The following NEO1 variants were observed in gnomAD, a reference collection of about 807,000 sequenced individuals.
NEO1 encodes the protein neogenin.
Under a neutral mutation model 159.7 loss-of-function variants are expected in NEO1, and 63 were observed. The ratio of observed to expected loss-of-function variants is 0.39; its 90% CI spans 0.32 to 0.49. NEO1 has a LOEUF of 0.49. Among genes scored for constraint, NEO1 ranks in the 20% least tolerant of loss-of-function variants. NEO1 has a pLI of 0.85. For synonymous variants in NEO1, 633 were observed against 662.0 expected, an observed-to-expected ratio of 0.96 and a Z score of 0.67; for missense variants, 1,615 against 1,831.0, an observed-to-expected ratio of 0.88 and a Z score of 2.15.
intron 23 of NEO1, among the ~76,000 whole-genome samples, chr15:73,287,878 C>CA (rs35855032): frequency 0.013 from 1,867 of 143,528 alleles, 24 homozygotes; most frequent in South Asian, 0.028. Flanking sequence ...AACTCCATCT[C>CA]AAAAAAAAAA....
intron 7 of NEO1, among the ~76,000 whole-genome samples, chr15:73,201,158 T>C (rs2036859435): frequency 6.6e-6 from 1 of 151,902 alleles, no homozygotes; most frequent in East Asian, 1.9e-4. Context: ...TCTATTTTTC[T>C]GTTTTCAATT....
intron 1 of NEO1, among the ~76,000 whole-genome samples, chr15:73,062,898 A>G (rs1245622446): frequency 6.6e-6 from 1 of 152,216 alleles, no homozygotes; most frequent in Non-Finnish European, 1.5e-5. Context: ...ACGTAGGCTC[A>G]CAGGTTATCT....
At chr15:73,296,137 C>G (rs987405451) in intron 26 of NEO1, among the ~76,000 whole-genome samples, 1 of 152,184 alleles carries the variant, frequency 6.6e-6, no homozygotes, top group African/African-American at 2.4e-5. Context: ...TGCGCCATCT[C>G]TTTGGCCCTC....
intron 1 of NEO1, among the ~76,000 whole-genome samples, chr15:73,102,064 A>G (rs1441960666): frequency 6.6e-6 from 1 of 152,160 alleles, no homozygotes; most frequent in African/African-American, 2.4e-5. Context: ...TCCTAGAACT[A>G]CTGAATCAGA....
chr15:73,213,954 T>C (rs559259096), intron 7 of NEO1, among the ~76,000 whole-genome samples: 1 of 152,356 alleles, frequency 6.6e-6, no homozygotes, highest in African/African-American at 2.4e-5. Flanking sequence ...TTTTTGATTA[T>C]GGCCATTCTT....
intron 22 of NEO1, 56 bp downstream of exon 22, chr15:73,278,255 T>A: frequency 6.6e-7 from 1 of 1,514,164 alleles, no homozygotes; most frequent in Non-Finnish European, 9.1e-7. Flanking sequence ...CACTTTTGCT[T>A]AAATTTTTGA....
At position 73,253,469 on chromosome 15, in the gene NEO1, CT is replaced by C. The variant is rs372967044; in HGVS notation, c.1944+21del. 0.011 allele frequency: 17,319 copies of C among 1,576,806 alleles called. 127 individuals carry two copies. Among genetic ancestry groups the C allele is most frequent in the Non-Finnish European group, 0.013 (14,613 of 1,158,544 alleles). ...TCAAAGGTAAAACTGTATGATGCTGCTGTTCATTTTTACTGGTATACTGTTG... is the reference window on the plus strand; with the variant it reads ...TCAAAGGTAAAACTGTATGATGCTGCGTTCATTTTTACTGGTATACTGTTG... On this transcript the variant is annotated intron_variant, in intron 12 of 28. Coordinates refer to ENST00000261908, the MANE Select transcript of NEO1 (RefSeq NM_002499.4).
At chr15:73,224,558 T>C (rs2038467247) in intron 7 of NEO1, among the ~76,000 whole-genome samples, 2 of 148,266 alleles carry the variant, frequency 1.3e-5, no homozygotes, top group South Asian at 4.4e-4. Context: ...GAAGACCTTG[T>C]CTTTGAGCTC....
At position 73,283,073 on chromosome 15, in the gene NEO1, T is replaced by C. The variant is rs746034290; in HGVS notation, c.3372T>C (p.Ala1124=). Residue 1124 remains alanine, a synonymous_variant, in exon 23 of 29, where the codon GCT becomes GCC. Coordinates refer to ENST00000261908, the MANE Select transcript of NEO1 (RefSeq NM_002499.4). ...CCATCGTGGTGGTTGTGATTATCGC[T>C]GTCTTTTGTACCCGTCGTACCACCT... ...VITIVVVVII[A]VFCTRRTTSH... The C allele has an allele frequency of 1.9e-6, 3 of 1,614,234 alleles. No homozygotes were observed. Among genetic ancestry groups the C allele is most frequent in the Admixed American group, 3.3e-5 (2 of 60,026 alleles).
intron 7 of NEO1, among the ~76,000 whole-genome samples, chr15:73,201,545 A>T (rs1388413486): frequency 6.6e-5 from 10 of 152,140 alleles, no homozygotes; most frequent in Admixed American, 6.5e-4. Context: ...TCATTGTTGG[A>T]TGGAATATGC....
intron 28 of NEO1, 162 bp downstream of exon 28, chr15:73,301,619 T>TA: frequency 2.1e-6 from 2 of 955,780 alleles, no homozygotes; most frequent in South Asian, 3.3e-5. Context: ...GAGCATCTCT[T>TA]CTGAGCCGGG....
chr15:73,186,676 T>C (rs1287987117), intron 7 of NEO1, among the ~76,000 whole-genome samples: 1 of 152,068 alleles, frequency 6.6e-6, no homozygotes. Flanking sequence ...TAAATAGTCA[T>C]ATCAGTATAT....
At chr15:73,242,047 C>T (rs1453447718) in intron 8 of NEO1, among the ~76,000 whole-genome samples, 2 of 152,172 alleles carry the variant, frequency 1.3e-5, no homozygotes, top group African/African-American at 4.8e-5. Context: ...CTACGTGCTT[C>T]TGTCGTACAC....
At chr15:73,181,638 C>T (rs1025891284) in intron 7 of NEO1, among the ~76,000 whole-genome samples, 3 of 151,842 alleles carry the variant, frequency 2.0e-5, no homozygotes, top group African/African-American at 4.8e-5. Context: ...GGGGGGGTGC[C>T]ACACACTTTT....
At chr15:73,301,487 G>C (rs2042611819) in intron 28 of NEO1, 30 bp downstream of exon 28, 2 of 1,613,836 alleles carry the variant, frequency 1.2e-6, no homozygotes, top group Non-Finnish European at 8.5e-7. Flanking sequence ...AGTCCAGCCA[G>C]ATTGCCTGGG....
rs548786278 is a variant in NEO1, at chr15:73,131,392, C to T, written c.879-4499C>T. Among the ~76,000 whole-genome samples the T allele has an allele frequency of 2.6e-5, 4 of 152,338 alleles. No individual in the cohort carries two copies. In the East Asian group the frequency reaches 7.7e-4, roughly 29 times the overall value. The stretch of plus-strand genomic sequence containing the variant: ...TGCAGGTTTGAAAAAATTTACCTCT[C>T]TTTCAAATAACAACAAATACAAAAC... On this transcript the variant is annotated intron_variant, in intron 4 of 28. Transcript: ENST00000261908.
chr15:73,070,766 G>A (rs2068492824), intron 1 of NEO1, among the ~76,000 whole-genome samples: 1 of 152,136 alleles, frequency 6.6e-6, no homozygotes, highest in Non-Finnish European at 1.5e-5. Context: ...TAAAAGTTAA[G>A]TGAATGTTCT....
rs755058882 is a variant in NEO1 at position 73,272,513 on chromosome 15, C to T, written c.2916C>T (p.Thr972=). 3 of 1,613,932 alleles carry T rather than the reference C, an allele frequency of 1.9e-6. No individual in the cohort carries two copies. Among genetic ancestry groups the T allele is most frequent in the Admixed American group, 3.3e-5 (2 of 59,994 alleles). ...TVVSKEGKPK[T]IIVNWQPPSE... ...TGAGTAAAGAGGGGAAACCTAAGAC[C>T]ATAATTGTGAATTGGCAGCCTCCCT... Residue 972 remains threonine (T), a synonymous_variant, in exon 19 of 29, where the codon ACC becomes ACT. Coordinates refer to ENST00000261908, the MANE Select transcript of NEO1 (RefSeq NM_002499.4).
intron 8 of NEO1, among the ~76,000 whole-genome samples, chr15:73,242,113 G>A (rs1016534602): frequency 5.3e-5 from 8 of 152,098 alleles, no homozygotes; most frequent in East Asian, 1.9e-4. Flanking sequence ...TCCCCCTCCT[G>A]TGTCTTTCTA....
Sources: gnomAD v4.1 joint callset for allele counts (sites outside exome capture counted in the v4.1 genomes callset) on GRCh38, gnomAD v4.1.1 for gene constraint, MANE v1.5 for transcripts, NCBI Gene and HGNC (gene_info 2026-07-23, HGNC 2026-07-21) for gene names.